Variants in C8orf34 observed in about 807,000 individuals in gnomAD.
C8orf34 encodes the protein chromosome 8 open reading frame 34.
Under a neutral mutation model 68.3 loss-of-function variants are expected in C8orf34, and 65 were observed. The observed-to-expected ratio is 0.95, with a 90% CI of 0.78 to 1.17. The LOEUF (loss-of-function observed/expected upper bound fraction) is 1.17. Ranked by LOEUF, C8orf34 falls within the 50% of genes most tolerant of loss-of-function variation. The probability of loss-of-function intolerance (pLI) is 0.00; values close to 1 mark genes in which losing one functional copy is unlikely to be tolerated. For missense variants in C8orf34, 664 were observed against 655.4 expected, an observed-to-expected ratio of 1.01 and a Z score of -0.14; for synonymous variants, 244 against 241.2, an observed-to-expected ratio of 1.01 and a Z score of -0.11.
intron 8 of C8orf34, among the ~76,000 whole-genome samples, chr8:68,651,670 T>A (rs1819361837): frequency 6.6e-6 from 1 of 152,168 alleles, no homozygotes; most frequent in African/African-American, 2.4e-5. Context: ...AAATACCACA[T>A]GTTCTTGCTT....
chr8:68,438,377 A>G (rs781510501), intron 1 of C8orf34: 2 of 152,180 alleles, frequency 1.3e-5, no homozygotes, highest in Non-Finnish European at 2.9e-5. Flanking sequence ...AACCTCTTGT[A>G]GAAGTATCAT....
chr8:68,409,130 C>T (rs190607004), intron 1 of C8orf34, among the ~76,000 whole-genome samples: 7 of 152,242 alleles, frequency 4.6e-5, no homozygotes, highest in South Asian at 4.2e-4. Flanking sequence ...CCATTCTGTA[C>T]GGTGCATAAT....
At chr8:68,781,561 G>A (rs1424838777) in intron 11 of C8orf34, among the ~76,000 whole-genome samples, 1 of 152,076 alleles carries the variant, frequency 6.6e-6, no homozygotes, top group East Asian at 1.9e-4. Context: ...TGGCAAAGAG[G>A]GACACGTCAG....
At chr8:68,637,491 A>T (rs756205027) in intron 7 of C8orf34, among the ~76,000 whole-genome samples, 1 of 152,156 alleles carries the variant, frequency 6.6e-6, no homozygotes, top group Non-Finnish European at 1.5e-5. Context: ...TGAAGCAAGC[A>T]GGACTAGCTA....
intron 8 of C8orf34, among the ~76,000 whole-genome samples, chr8:68,655,613 C>T (rs1819489322): frequency 1.3e-5 from 2 of 152,228 alleles, no homozygotes; most frequent in South Asian, 4.1e-4. Context: ...TCCCTGTCAG[C>T]CACACTAAGC....
intron 1 of C8orf34, among the ~76,000 whole-genome samples, chr8:68,393,012 T>C (rs1469157881): frequency 2.0e-5 from 3 of 152,172 alleles, no homozygotes; most frequent in Non-Finnish European, 4.4e-5. Flanking sequence ...TTCTCACTCA[T>C]ACTTTAAATG....
chr8:68,805,899 A>G (rs73283886), intron 12 of C8orf34, among the ~76,000 whole-genome samples: 161 of 151,868 alleles, frequency 1.1e-3, no homozygotes, highest in African/African-American at 3.6e-3. Flanking sequence ...TTTCTCCACT[A>G]TATTATGTTT....
intron 9 of C8orf34, among the ~76,000 whole-genome samples, chr8:68,720,571 G>T (rs1821641234): frequency 6.6e-6 from 1 of 151,332 alleles, no homozygotes; most frequent in South Asian, 2.1e-4. Context: ...AAATCCAGTG[G>T]TTTAAAATAC....
At chr8:68,769,745 AT>A (rs1311371915) in intron 10 of C8orf34, among the ~76,000 whole-genome samples, 1 of 151,972 alleles carries the variant, frequency 6.6e-6, no homozygotes, top group Non-Finnish European at 1.5e-5. Context: ...TCATTTATTT[AT>A]TTTTCAGACG....
At chr8:68,679,029 G>A (rs746040920) in intron 8 of C8orf34, among the ~76,000 whole-genome samples, 23 of 152,050 alleles carry the variant, frequency 1.5e-4, no homozygotes, top group Non-Finnish European at 2.2e-4. Flanking sequence ...GGCCAGGCAC[G>A]GTGGCTCCTG....
chr8:68,408,269 G>A (rs1809287712), intron 1 of C8orf34, among the ~76,000 whole-genome samples: 1 of 151,494 alleles, frequency 6.6e-6, no homozygotes, highest in African/African-American at 2.4e-5. Flanking sequence ...CCATCTAGTT[G>A]CAGGAAAACA....
intron 7 of C8orf34, among the ~76,000 whole-genome samples, chr8:68,554,520 T>TATC (rs1458058427): frequency 3.3e-5 from 5 of 152,172 alleles, no homozygotes; most frequent in African/African-American, 1.2e-4. Context: ...CTTTTTTTCC[T>TATC]ATCTCAGCTG....
chr8:68,696,171 GA>G (rs1246459405), intron 8 of C8orf34, among the ~76,000 whole-genome samples: 1 of 143,446 alleles, frequency 7.0e-6, no homozygotes, highest in African/African-American at 2.6e-5. Flanking sequence ...CTCAAGGGGA[GA>G]AAAAAAAAGA....
chr8:68,619,270 G>T (rs78335314), intron 7 of C8orf34, among the ~76,000 whole-genome samples: 445 of 152,306 alleles, frequency 2.9e-3, no homozygotes, highest in Middle Eastern at 6.8e-3. Context: ...AGGTTTCAGT[G>T]AGCCAAGATC....
Position 68,815,881 on chromosome 8 carries a change from T to G in C8orf34, c.1550-5T>G, listed in dbSNP as rs779899571. ...CATATTATCTCTGTTTCTTTTGTTG[T>G]GCAGGTTCCGCTGATCTTCTTCTTT... On this transcript the variant is annotated splice_region_variant and splice_polypyrimidine_tract_variant and intron_variant, in intron 12 of 13. Coordinates refer to ENST00000518698, the MANE Select transcript of C8orf34 (RefSeq NM_052958.4). The G allele has an allele frequency of 3.7e-6, 6 of 1,613,726 alleles. No homozygotes were observed. The East Asian group carries it at 6.7e-5, about 18-fold the overall frequency.
chr8:68,786,568 C>T (rs1335932432), intron 11 of C8orf34, among the ~76,000 whole-genome samples: 4 of 152,112 alleles, frequency 2.6e-5, no homozygotes, highest in African/African-American at 9.7e-5. Flanking sequence ...AGAAGTGACT[C>T]CCGAGCCTTG....
intron 3 of C8orf34, among the ~76,000 whole-genome samples, chr8:68,450,429 T>A (rs1419994384): frequency 6.6e-6 from 1 of 152,134 alleles, no homozygotes; most frequent in Non-Finnish European, 1.5e-5. Flanking sequence ...ATGAAGTTTT[T>A]CAAGTTATTT....
At position 68,723,577 on chromosome 8, in the gene C8orf34, CT is replaced by C. The variant is rs1821744304; in HGVS notation, c.1404+2143del. 7.9e-5 allele frequency among the ~76,000 whole-genome samples: 12 copies of C among 152,164 alleles called. No individual in the cohort carries two copies. The South Asian group carries it at 2.5e-3, about 32-fold the overall frequency. ...TAAGAAATGTTCTGCCATTTATAAA[CT>C]TTAGTATTTCTCCATAACCTCATGA... On this transcript the variant is annotated intron_variant, in intron 10 of 13. Transcript: ENST00000518698.
chr8:68,498,640 A>G (rs1439346241), intron 5 of C8orf34, among the ~76,000 whole-genome samples: 1 of 152,210 alleles, frequency 6.6e-6, no homozygotes, highest in Admixed American at 6.5e-5. Context: ...TTATGTTGGT[A>G]TCTTTAAGAA....
Sources: gnomAD v4.1 joint callset for allele counts (sites outside exome capture counted in the v4.1 genomes callset) on GRCh38, gnomAD v4.1.1 for gene constraint, MANE v1.5 for transcripts, NCBI Gene and HGNC (gene_info 2026-07-23, HGNC 2026-07-21) for gene names.